The following FTCDNL1 variants were observed in gnomAD, a reference collection of about 807,000 sequenced individuals.
The protein encoded by FTCDNL1 is formiminotransferase cyclodeaminase N-terminal like, also known as formiminotransferase N-terminal subdomain-containing protein.
Under a neutral mutation model 5.9 loss-of-function variants are expected in FTCDNL1, and 11 were observed. The ratio of observed to expected loss-of-function variants is 1.87; its 90% CI spans 1.18 to 3.10. The LOEUF is 3.10. Ranked by LOEUF, FTCDNL1 falls within the 30% of genes most tolerant of loss-of-function variation. The pLI, the probability that FTCDNL1 is intolerant of heterozygous loss-of-function variation, is 0.00. For synonymous variants in FTCDNL1, 58 were observed against 24.8 expected, an observed-to-expected ratio of 2.34 and a Z score of -3.99; for missense variants, 115 against 65.5, an observed-to-expected ratio of 1.76 and a Z score of -2.61.
chr2:199,796,716 T>C (rs1208520736), intron 3 of FTCDNL1, among the ~76,000 whole-genome samples: 1 of 152,150 alleles, frequency 6.6e-6, no homozygotes, highest in Non-Finnish European at 1.5e-5. Context: ...AATTTACTCA[T>C]ATTACAAAAT....
the FTCDNL1 span, among the ~76,000 whole-genome samples, chr2:199,747,877 T>C: frequency 7.9e-5 from 12 of 152,150 alleles, no homozygotes; most frequent in Admixed American, 7.9e-4. Flanking sequence ...TCTCTTCTCT[T>C]CCCCTTTCCC....
intron 3 of FTCDNL1, among the ~76,000 whole-genome samples, chr2:199,791,863 T>C (rs1379470595): frequency 6.6e-6 from 1 of 152,160 alleles, no homozygotes; most frequent in Non-Finnish European, 1.5e-5. Flanking sequence ...CATATGTGTA[T>C]ATACCTATTT....
chr2:199,715,742 TA>T, the FTCDNL1 span, among the ~76,000 whole-genome samples: 1 of 152,048 alleles, frequency 6.6e-6, no homozygotes, highest in Admixed American at 6.6e-5. Flanking sequence ...ACAGAGAGGT[TA>T]AGTTACTTGT....
the FTCDNL1 span, among the ~76,000 whole-genome samples, chr2:199,747,709 G>C: frequency 5.9e-5 from 9 of 152,168 alleles, no homozygotes; most frequent in Non-Finnish European, 4.4e-5. Flanking sequence ...AACCCAGTGA[G>C]AAGTCGTCTG....
At chr2:199,789,686 A>T (rs895456000) in intron 3 of FTCDNL1, among the ~76,000 whole-genome samples, 2 of 152,132 alleles carry the variant, frequency 1.3e-5, no homozygotes, top group Admixed American at 1.3e-4. Context: ...CATTGGTAAC[A>T]TGAATCCATG....
intron 3 of FTCDNL1, among the ~76,000 whole-genome samples, chr2:199,769,991 C>A (rs1206087258): frequency 1.3e-5 from 2 of 151,960 alleles, no homozygotes; most frequent in Non-Finnish European, 2.9e-5. Context: ...CATTTTCGTT[C>A]AAATCTCATC....
intron 3 of FTCDNL1, among the ~76,000 whole-genome samples, chr2:199,791,292 A>G (rs1436115920): frequency 1.3e-5 from 2 of 152,182 alleles, no homozygotes; most frequent in Non-Finnish European, 2.9e-5. Flanking sequence ...AGGAGAAAAA[A>G]GAGTTCTGGG....
At chr2:199,711,489 T>C in the FTCDNL1 span, among the ~76,000 whole-genome samples, 1 of 152,168 alleles carries the variant, frequency 6.6e-6, no homozygotes, top group Non-Finnish European at 1.5e-5. Flanking sequence ...TCAATCATTT[T>C]TCCCTCAGGA....
At chr2:199,666,744 G>A in the FTCDNL1 span, among the ~76,000 whole-genome samples, 46 of 151,912 alleles carry the variant, frequency 3.0e-4, no homozygotes, top group African/African-American at 9.4e-4. Context: ...GTGAAGCCCC[G>A]TCTCTACTAA....
At chr2:199,712,102 T>A in the FTCDNL1 span, among the ~76,000 whole-genome samples, 1 of 152,000 alleles carries the variant, frequency 6.6e-6, no homozygotes, top group Non-Finnish European at 1.5e-5. Context: ...CACGTATTGG[T>A]CAAAAAAACA....
the FTCDNL1 span, among the ~76,000 whole-genome samples, chr2:199,723,294 G>A: frequency 0.027 from 4,137 of 152,218 alleles, 183 homozygotes; most frequent in African/African-American, 0.094. Flanking sequence ...CTGAGATGAT[G>A]GGGTTTTCTA....
chr2:199,831,876 G>A (rs1044250963), intron 3 of FTCDNL1, among the ~76,000 whole-genome samples: 1 of 152,118 alleles, frequency 6.6e-6, no homozygotes, highest in Non-Finnish European at 1.5e-5. Context: ...AACTACAAGT[G>A]AGTTTCTTAA....
At chr2:199,700,495 A>C in the FTCDNL1 span, among the ~76,000 whole-genome samples, 1 of 152,226 alleles carries the variant, frequency 6.6e-6, no homozygotes, top group Admixed American at 6.5e-5. Flanking sequence ...TTACAGATTC[A>C]ATGCTATCAA....
At chr2:199,757,204 T>C (rs1032808211), downstream of FTCDNL1, among the ~76,000 whole-genome samples, 1 of 152,156 alleles carries the variant, frequency 6.6e-6, no homozygotes, top group African/African-American at 2.4e-5. Flanking sequence ...ACAGGAGTGC[T>C]TGGACCCAAG....
At chr2:199,763,723 T>C (rs1377691057) in intron 3 of FTCDNL1, among the ~76,000 whole-genome samples, 1 of 152,254 alleles carries the variant, frequency 6.6e-6, no homozygotes, top group Non-Finnish European at 1.5e-5. Flanking sequence ...TCAGAGACTT[T>C]ATAAACTTTA....
At chr2:199,781,698 GATAGA>G (rs1446258153) in intron 3 of FTCDNL1, among the ~76,000 whole-genome samples, 3 of 152,186 alleles carry the variant, frequency 2.0e-5, no homozygotes, top group African/African-American at 7.2e-5. Flanking sequence ...TGTGGAAGGA[GATAGA>G]ATAGAATACA....
At chr2:199,677,317 T>A in the FTCDNL1 span, among the ~76,000 whole-genome samples, 3 of 152,202 alleles carry the variant, frequency 2.0e-5, no homozygotes, top group African/African-American at 7.2e-5. Context: ...CTTGCTGATA[T>A]CAATTACTTA....
At chr2:199,664,024 A>G in the FTCDNL1 span, among the ~76,000 whole-genome samples, 1 of 151,944 alleles carries the variant, frequency 6.6e-6, no homozygotes, top group South Asian at 2.1e-4. Flanking sequence ...TCAGTGACTG[A>G]TGGACTGTGT....
intron 3 of FTCDNL1, among the ~76,000 whole-genome samples, chr2:199,826,081 T>C (rs1403992510): frequency 1.3e-5 from 2 of 152,208 alleles, no homozygotes; most frequent in Non-Finnish European, 2.9e-5. Context: ...ACATGTTTCC[T>C]GGCCCTGCCC....
Sources: allele counts gnomAD v4.1 joint callset (sites outside exome capture counted in the v4.1 genomes callset), GRCh38; gene constraint gnomAD v4.1.1; transcripts MANE v1.5; gene names NCBI Gene and HGNC (gene_info 2026-07-23, HGNC 2026-07-21).